The following MECR variants were observed in gnomAD, a reference collection of about 807,000 sequenced individuals.
MECR encodes the protein enoyl-[acyl-carrier-protein] reductase, mitochondrial.
In MECR, 37 loss-of-function variants were observed where a neutral mutation model predicts 49.1. That is an observed-to-expected ratio of 0.75 (90% CI 0.58 to 0.99). The LOEUF (loss-of-function observed/expected upper bound fraction) is 0.99, where lower values mean the gene tolerates loss of function less well. Ranked by LOEUF, MECR falls within the 50% of genes least tolerant of loss-of-function variation. The probability of loss-of-function intolerance (pLI) is 0.00; values close to 1 mark genes in which losing one functional copy is unlikely to be tolerated. For missense variants in MECR, 470 were observed against 479.6 expected, an observed-to-expected ratio of 0.98 and a Z score of 0.19; for synonymous variants, 198 against 191.1, an observed-to-expected ratio of 1.04 and a Z score of -0.30.
At chr1:29,224,260 GACAGGTAAAA>G (rs1332178051) in intron 1 of MECR, 2 of 152,130 alleles carry the variant, frequency 1.3e-5, no homozygotes, top group Non-Finnish European at 2.9e-5. Context: ...GGATCTCTTT[GACAGGTAAAA>G]ACACAACCAT....
the MECR span, chr1:29,181,920 C>T: frequency 1.1e-5 from 5 of 452,954 alleles, no homozygotes; most frequent in Non-Finnish European, 7.4e-6. Context: ...GCGCGCGCTT[C>T]CACTTCCCCC....
chr1:29,228,414 G>A (rs1469827959), intron 1 of MECR, among the ~76,000 whole-genome samples: 1 of 149,180 alleles, frequency 6.7e-6, no homozygotes, highest in African/African-American at 2.5e-5. Context: ...GTTCAATGGC[G>A]CGATCTCGGC....
At chr1:29,173,189 G>C in the MECR span, 1 of 128,468 alleles carries the variant, frequency 7.8e-6, no homozygotes, top group African/African-American at 2.9e-5. Flanking sequence ...CCAGGCTGGA[G>C]TGCAGTGGTG....
At chr1:29,181,848 G>A in the MECR span, 9 of 1,062,374 alleles carry the variant, frequency 8.5e-6, no homozygotes, top group Non-Finnish European at 1.1e-5. Flanking sequence ...CGGCGGCAAC[G>A]GGCGGGCGGC....
intron 3 of MECR, 101 bp from the exon 4 acceptor site, chr1:29,207,006 G>C (rs1574352051): frequency 7.8e-7 from 1 of 1,281,704 alleles, no homozygotes. Context: ...ATAGTGGGTA[G>C]CATCCACTGG....
At chr1:29,188,110 T>C (rs1269530049), downstream of MECR, among the ~76,000 whole-genome samples, 1 of 149,578 alleles carries the variant, frequency 6.7e-6, no homozygotes, top group Non-Finnish European at 1.5e-5. Context: ...AGATGGGGTT[T>C]CACCATGTTG....
At chr1:29,206,211 A>G (rs1676536811) in intron 4 of MECR, among the ~76,000 whole-genome samples, 1 of 152,166 alleles carries the variant, frequency 6.6e-6, no homozygotes, top group African/African-American at 2.4e-5. Context: ...TGAGAGGCAA[A>G]TTCACAGTCA....
At position 29,193,890 on chromosome 1, in the gene MECR, C is replaced by T; in HGVS notation, c.*132G>A. On this transcript the variant is annotated 3_prime_UTR_variant, in exon 10 of 10. Coordinates refer to ENST00000263702, the MANE Select transcript of MECR (RefSeq NM_016011.5). Reference sequence around the variant, plus strand: ...CTGGGGAAAACCGTGGCTGGCTTCACCATCCTCCTAATAGGAAGAGGCAGT... The same window carrying T: ...CTGGGGAAAACCGTGGCTGGCTTCATCATCCTCCTAATAGGAAGAGGCAGT... 1 of 1,147,582 alleles carries T rather than the reference C, an allele frequency of 8.7e-7. No individual in the cohort carries two copies. Among genetic ancestry groups the T allele is most frequent in the East Asian group, 2.4e-5 (1 of 42,272 alleles). The allele number at this position is 1,147,582 out of a possible 1,614,324, so 71.1% of individuals were successfully genotyped here.
At chr1:29,208,576 G>A (rs530391252) in intron 3 of MECR, among the ~76,000 whole-genome samples, 1 of 152,332 alleles carries the variant, frequency 6.6e-6, no homozygotes, top group Non-Finnish European at 1.5e-5. Flanking sequence ...TAGAATGTCA[G>A]TACTGAGAAG....
intron 3 of MECR, among the ~76,000 whole-genome samples, chr1:29,215,017 C>CT (rs1178526727): frequency 1.3e-5 from 2 of 151,822 alleles, no homozygotes; most frequent in Non-Finnish European, 2.9e-5. Context: ...CACAAGCTAC[C>CT]TTTTTAAAAA....
chr1:29,194,270 A>G, intron 9 of MECR, 91 bp from the exon 10 acceptor site: 2 of 1,377,808 alleles, frequency 1.5e-6, no homozygotes, highest in Non-Finnish European at 2.0e-6. Flanking sequence ...AGGAGCTGGC[A>G]CCAAGCTCCA....
At chr1:29,204,220 TA>T (rs886453683) in intron 4 of MECR, among the ~76,000 whole-genome samples, 38 of 145,766 alleles carry the variant, frequency 2.6e-4, no homozygotes, top group East Asian at 4.0e-4. Flanking sequence ...CTCCCTCTAT[TA>T]AAAAAAAAAA....
At chr1:29,190,008 C>T (rs1248766248), downstream of MECR, among the ~76,000 whole-genome samples, 1 of 152,202 alleles carries the variant, frequency 6.6e-6, no homozygotes, top group Non-Finnish European at 1.5e-5. Context: ...GCTTATTTCT[C>T]ATGTAAAACA....
At chr1:29,203,948 T>C (rs1397997878) in intron 4 of MECR, among the ~76,000 whole-genome samples, 1 of 152,188 alleles carries the variant, frequency 6.6e-6, no homozygotes, top group Non-Finnish European at 1.5e-5. Flanking sequence ...GACCTGGCCA[T>C]TGGGGAAGGC....
chr1:29,210,111 C>T (rs574316563), intron 3 of MECR, among the ~76,000 whole-genome samples: 3 of 151,938 alleles, frequency 2.0e-5, no homozygotes, highest in East Asian at 3.9e-4. Flanking sequence ...CCAAGGCTCC[C>T]GCCATTCTCC....
chr1:29,215,404 C>G (rs147322536), intron 3 of MECR, among the ~76,000 whole-genome samples: 38 of 152,132 alleles, frequency 2.5e-4, no homozygotes, highest in African/African-American at 9.2e-4. Context: ...ATGATAAAAC[C>G]CCCTCTTTAC....
intron 3 of MECR, among the ~76,000 whole-genome samples, chr1:29,215,002 G>A (rs1235768344): frequency 6.6e-6 from 1 of 151,996 alleles, no homozygotes; most frequent in Non-Finnish European, 1.5e-5. Context: ...CTTACCCCAT[G>A]TGGACACAAG....
At chr1:29,225,530 G>A (rs749475762) in intron 1 of MECR, among the ~76,000 whole-genome samples, 63 of 152,100 alleles carry the variant, frequency 4.1e-4, no homozygotes, top group Non-Finnish European at 7.3e-4. Context: ...GGATTAGGCT[G>A]TGAGGCTCTG....
chr1:29,178,292 C>T, the MECR span, among the ~76,000 whole-genome samples: 1 of 151,838 alleles, frequency 6.6e-6, no homozygotes, highest in Non-Finnish European at 1.5e-5. Flanking sequence ...CAAATCTGAA[C>T]TCCAGCAATT....
Sources: allele counts gnomAD v4.1 joint callset (sites outside exome capture counted in the v4.1 genomes callset), GRCh38; gene constraint gnomAD v4.1.1; transcripts MANE v1.5; gene names NCBI Gene and HGNC (gene_info 2026-07-23, HGNC 2026-07-21).